DCLK2: variants seen among roughly 807,000 people sequenced by gnomAD.
DCLK2 encodes the protein serine/threonine-protein kinase DCLK2.
DCLK2 carries 31 observed loss-of-function variants against 78.4 expected under a neutral mutation model. The observed-to-expected ratio is 0.40, with a 90% CI of 0.30 to 0.53. The LOEUF (loss-of-function observed/expected upper bound fraction) is 0.53, where lower values mean the gene tolerates loss of function less well. DCLK2 is among the 20% of genes least tolerant of loss of function. DCLK2 has a pLI of 0.61. For synonymous variants in DCLK2, 407 were observed against 374.9 expected (o/e 1.09, Z -0.99); for missense variants, 872 against 973.7 (o/e 0.90, Z 1.39).
chr4:150,087,569 G>A (rs770675036), intron 1 of DCLK2, among the ~76,000 whole-genome samples: 1 of 152,140 alleles, frequency 6.6e-6, no homozygotes, highest in African/African-American at 2.4e-5. Context: ...AAAGATACAG[G>A]GGAAGTTGTC....
At chr4:150,092,070 T>C (rs1730121669) in intron 1 of DCLK2, among the ~76,000 whole-genome samples, 1 of 152,118 alleles carries the variant, frequency 6.6e-6, no homozygotes, top group African/African-American at 2.4e-5. Context: ...ACATTTGTTC[T>C]TCTGTGGCTT....
intron 14 of DCLK2, 53 bp from the exon 15 acceptor site, chr4:150,249,515 C>G: frequency 9.8e-6 from 15 of 1,531,814 alleles, no homozygotes; most frequent in South Asian, 9.0e-5. Context: ...GAAAAGACAA[C>G]TCAAACGGGA....
At chr4:150,094,523 C>T (rs773095933) in intron 1 of DCLK2, among the ~76,000 whole-genome samples, 26 of 152,138 alleles carry the variant, frequency 1.7e-4, no homozygotes, top group African/African-American at 2.4e-4. Context: ...TGCTAGTGCC[C>T]GTAGATGCCT....
At chr4:150,255,642 GAAGAGTAAACTCTCC>G (rs1744506486) in intron 15 of DCLK2, among the ~76,000 whole-genome samples, 1 of 152,202 alleles carries the variant, frequency 6.6e-6, no homozygotes, top group African/African-American at 2.4e-5. Context: ...GCTTTATTTG[GAAGAGTAAACTCTCC>G]AAGACTGAGC....
intron 2 of DCLK2, among the ~76,000 whole-genome samples, chr4:150,173,292 C>T (rs988031441): frequency 6.6e-6 from 1 of 152,088 alleles, no homozygotes; most frequent in Non-Finnish European, 1.5e-5. Context: ...CCAGCCGACT[C>T]GACAGGATAG....
intron 8 of DCLK2, among the ~76,000 whole-genome samples, chr4:150,231,725 G>A (rs1442903238): frequency 1.3e-5 from 2 of 152,192 alleles, no homozygotes; most frequent in East Asian, 1.9e-4. Context: ...AGTGGTCCCC[G>A]TGGTTCTGTA....
chr4:150,180,781 C>T (rs757010239), intron 2 of DCLK2, among the ~76,000 whole-genome samples: 7 of 152,126 alleles, frequency 4.6e-5, no homozygotes, highest in African/African-American at 1.2e-4. Context: ...CAAGGTGGGT[C>T]GTAGAAACCA....
intron 5 of DCLK2, among the ~76,000 whole-genome samples, chr4:150,205,520 C>T (rs988658432): frequency 9.9e-5 from 15 of 152,196 alleles, no homozygotes; most frequent in African/African-American, 3.4e-4. Flanking sequence ...TCAAAAGAAG[C>T]AGGCATTTTT....
intron 8 of DCLK2, among the ~76,000 whole-genome samples, chr4:150,225,245 C>G (rs142491067): frequency 3.9e-5 from 6 of 152,320 alleles, no homozygotes; most frequent in Non-Finnish European, 5.9e-5. Context: ...GTTTCCTGGA[C>G]AAACATCCTT....
intron 1 of DCLK2, among the ~76,000 whole-genome samples, chr4:150,083,646 CTTA>C (rs1165915771): frequency 1.3e-5 from 2 of 152,090 alleles, no homozygotes; most frequent in Non-Finnish European, 2.9e-5. Flanking sequence ...AACTGTGGAA[CTTA>C]TTATGGTAAG....
In DCLK2 at chr4:150,239,721, G is replaced by C. The variant is rs1423831426; in HGVS notation, c.1567-21G>C. 3.1e-6 allele frequency: 5 copies of C among 1,609,860 alleles called. No individual in the cohort carries two copies. The South Asian group carries it at 4.5e-5, about 14-fold the overall frequency. ...TTGAGGAAAAAAAAATCTTCTGATT[G>C]TTGGCTGATTTCTGTTTCAGGTGTG... is the stretch of plus-strand genomic sequence containing the variant. On this transcript the variant is annotated intron_variant, in intron 10 of 15. Transcript: ENST00000296550.
chr4:150,079,373 C>A lies in DCLK2; in HGVS notation c.346C>A (p.Leu116Met), dbSNP rs1004596995. The A allele has an allele frequency of 6.3e-7, 1 of 1,589,658 alleles. No homozygotes were observed. ...LTRSLSDNVNLPQGVRTIYTI... is the reference protein window; with the variant it reads ...LTRSLSDNVNMPQGVRTIYTI... ...CCGCTCCCTGTCGGACAACGTGAAC[C>A]TGCCCCAGGGTGTCCGCACTATCTA... Residue 116 changes from leucine (L) to methionine (M), a missense_variant, in exon 1 of 16, where the codon CTG becomes ATG. Physicochemically the swap from Leu to Met is conservative, Grantham distance 15. This residue lies in a region of DCLK2 where 567 missense variants were observed against 593.4 expected (regional missense o/e 0.96). Coordinates refer to ENST00000296550, the MANE Select transcript of DCLK2 (RefSeq NM_001040260.4).
intron 1 of DCLK2, 22 bp downstream of exon 1, chr4:150,079,470 C>A: frequency 1.4e-6 from 2 of 1,446,448 alleles, no homozygotes. Context: ...GGGCGCCGCA[C>A]GGCAGGTGCG....
At chr4:150,233,797 C>T (rs1283181184) in intron 10 of DCLK2, among the ~76,000 whole-genome samples, 5 of 152,302 alleles carry the variant, frequency 3.3e-5, no homozygotes, top group African/African-American at 1.2e-4. Context: ...ATGGTCTAAG[C>T]TTCAAGCCAT....
At chr4:150,174,612 A>G (rs979727762) in intron 2 of DCLK2, among the ~76,000 whole-genome samples, 4 of 152,080 alleles carry the variant, frequency 2.6e-5, no homozygotes, top group African/African-American at 9.7e-5. Flanking sequence ...TCACGAGGTC[A>G]GGAGTTCAAG....
At chr4:150,221,502 T>G (rs1741185941) in intron 6 of DCLK2, among the ~76,000 whole-genome samples, 175 bp from the exon 7 acceptor site, 1 of 152,198 alleles carries the variant, frequency 6.6e-6, no homozygotes, top group Non-Finnish European at 1.5e-5. Flanking sequence ...ACCAACGAAG[T>G]TAAAAGGAAA....
chr4:150,256,239 C>A lies in DCLK2; in HGVS notation c.2293C>A (p.Arg765=). The A allele has an allele frequency of 6.6e-7, 1 of 1,523,602 alleles. No homozygotes were observed. The highest frequency in any genetic ancestry group is 8.8e-7 in the Non-Finnish European group (1 of 1,135,296). 94.4% of individuals were successfully genotyped at this position (1,523,602 alleles called of 1,614,324 possible). ...GCGGGCAGGAACCTGGCGCCGCCAC[C>A]GAGACTGAGCCTCCTGCAGACGGGC... ...GERAGTWRRH[R]D The change falls in exon 16 of 16, where the codon CGA becomes AGA. Residue 765 remains arginine, a synonymous_variant. Transcript: ENST00000296550.
At chr4:150,087,110 TGCCGTGTTTTCAACA>T (rs761165095) in intron 1 of DCLK2, among the ~76,000 whole-genome samples, 45 of 152,234 alleles carry the variant, frequency 3.0e-4, no homozygotes, top group Non-Finnish European at 5.7e-4. Context: ...TTGTCCTATT[TGCCGTGTTTTCAACA>T]GCCTAAAGGA....
chr4:150,097,438 C>T (rs1004828888), intron 1 of DCLK2, among the ~76,000 whole-genome samples: 3 of 152,146 alleles, frequency 2.0e-5, no homozygotes, highest in African/African-American at 7.2e-5. Flanking sequence ...GCTGGGATTA[C>T]AGGCATGAGC....
Sources: gnomAD v4.1 joint callset for allele counts (sites outside exome capture counted in the v4.1 genomes callset) on GRCh38, gnomAD v4.1.1 for gene constraint, gnomAD v4.1.1 regional missense constraint, MANE v1.5 for transcripts, NCBI Gene and HGNC (gene_info 2026-07-23, HGNC 2026-07-21) for gene names.